ZNF678: variants seen among roughly 807,000 people sequenced by gnomAD.
The protein encoded by ZNF678 is zinc finger protein 678.
In ZNF678, 5 loss-of-function variants were observed where a neutral mutation model predicts 3.0. That is an observed-to-expected ratio of 1.69 (90% confidence interval 0.88 to 3.56). ZNF678 has a LOEUF of 3.56. Ranked by LOEUF, ZNF678 falls within the 30% of genes most tolerant of loss-of-function variation. ZNF678 has a pLI of 0.00. For missense variants in ZNF678, 593 were observed against 605.0 expected (o/e 0.98, Z 0.21); for synonymous variants, 218 against 199.6 (o/e 1.09, Z -0.78).
chr1:227,609,202 T>G (rs1029051432), intron 1 of ZNF678, among the ~76,000 whole-genome samples: 1 of 150,612 alleles, frequency 6.6e-6, no homozygotes, highest in Non-Finnish European at 1.5e-5. Context: ...AAAATAAAGT[T>G]AATATACAAT....
Position 227,563,687 on chromosome 1 carries a change from T to C in ZNF678, c.-201T>C, listed in dbSNP as rs909135730. The C allele has an allele frequency of 1.1e-5, 14 of 1,332,910 alleles. No individual in the cohort carries two copies. The highest frequency in any genetic ancestry group is 2.1e-4 in the Middle Eastern group (1 of 4,702). The allele number at this position is 1,332,910 out of a possible 1,614,324, so 82.6% of individuals were successfully genotyped here. A position where few individuals can be genotyped will look rare whatever the true frequency, so the allele number is the denominator to read the frequency against. On this transcript the variant is annotated 5_prime_UTR_variant, in exon 1 of 4. Coordinates refer to ENST00000343776, the MANE Select transcript of ZNF678 (RefSeq NM_001367909.1). Reference sequence around the variant, plus strand: ...TGACCTGCAGGTACTGGGAGTTACATAGCTAAGATGCCAGGACACCCCGAA... The same window carrying C: ...TGACCTGCAGGTACTGGGAGTTACACAGCTAAGATGCCAGGACACCCCGAA...
chr1:227,633,916 C>G (rs1010166232), intron 1 of ZNF678, among the ~76,000 whole-genome samples: 2 of 152,186 alleles, frequency 1.3e-5, no homozygotes, highest in African/African-American at 4.8e-5. Flanking sequence ...CTGACATCAC[C>G]CCTCCCCTAA....
chr1:227,628,347 A>G (rs531238554), intron 1 of ZNF678, among the ~76,000 whole-genome samples: 10 of 152,178 alleles, frequency 6.6e-5, no homozygotes, highest in Admixed American at 2.6e-4. Context: ...CAAGCTTAAC[A>G]CTGGGGCTTG....
chr1:227,641,706 G>T (rs1458275260), intron 1 of ZNF678, among the ~76,000 whole-genome samples: 2 of 151,636 alleles, frequency 1.3e-5, no homozygotes, highest in Non-Finnish European at 2.9e-5. Flanking sequence ...AGATAGAAAG[G>T]TCTCTCTATT....
chr1:227,574,856 C>A (rs2102720326), intron 1 of ZNF678, among the ~76,000 whole-genome samples: 1 of 152,194 alleles, frequency 6.6e-6, no homozygotes, highest in Non-Finnish European at 1.5e-5. Context: ...AGGAAGGGGT[C>A]CAATTTCAAT....
At chr1:227,601,611 C>T (rs1657740789) in intron 1 of ZNF678, among the ~76,000 whole-genome samples, 1 of 151,910 alleles carries the variant, frequency 6.6e-6, no homozygotes, top group Non-Finnish European at 1.5e-5. Flanking sequence ...GCTGGCCAGG[C>T]TGAAGTGCAG....
intron 1 of ZNF678, among the ~76,000 whole-genome samples, chr1:227,597,349 C>T (rs1024729843): frequency 6.6e-6 from 1 of 152,240 alleles, no homozygotes; most frequent in Non-Finnish European, 1.5e-5. Flanking sequence ...CCAGCGTGGG[C>T]GTCATAGCCA....
intron 1 of ZNF678, among the ~76,000 whole-genome samples, chr1:227,643,241 C>T (rs905405450): frequency 6.6e-6 from 1 of 151,984 alleles, no homozygotes; most frequent in Non-Finnish European, 1.5e-5. Context: ...AATGCTTTTA[C>T]CTTCTTAGGA....
At chr1:227,622,385 T>A (rs1305632513) in intron 1 of ZNF678, among the ~76,000 whole-genome samples, 1 of 152,230 alleles carries the variant, frequency 6.6e-6, no homozygotes, top group African/African-American at 2.4e-5. Context: ...TGTATTGATT[T>A]ATGTTTATGC....
chr1:227,624,650 G>A lies in ZNF678; in HGVS notation c.-163-21894G>A, dbSNP rs143465260. Among the ~76,000 whole-genome samples the A allele has an allele frequency of 3.4e-3, 516 of 152,342 alleles. 2 individuals carry two copies. Among genetic ancestry groups the A allele is most frequent in the African/African-American group, 0.012 (501 of 41,578 alleles). The stretch of plus-strand genomic sequence containing the variant: ...AAGGAATGGAACCTTGGGCCATGCA[G>A]TGAGTGTTATAGCTCTATTAGAAGC... On this transcript the variant is annotated intron_variant, in intron 1 of 3. Transcript: ENST00000343776.
At chr1:227,563,825 G>A in intron 1 of ZNF678, 101 bp downstream of exon 1, 1 of 1,140,986 alleles carries the variant, frequency 8.8e-7, no homozygotes, top group Non-Finnish European at 1.2e-6. Context: ...TGTGGGATCT[G>A]TCACCTCTGG....
At chr1:227,639,898 C>G (rs1658775791) in intron 1 of ZNF678, among the ~76,000 whole-genome samples, 1 of 152,178 alleles carries the variant, frequency 6.6e-6, no homozygotes, top group African/African-American at 2.4e-5. Context: ...ATATAAGAGG[C>G]AGGGTCTTCT....
At chr1:227,665,458 T>C (rs1268773749), downstream of ZNF678, among the ~76,000 whole-genome samples, 2 of 152,334 alleles carry the variant, frequency 1.3e-5, no homozygotes, top group African/African-American at 2.4e-5. Flanking sequence ...ATATCACTTA[T>C]ATTTCACCTC....
intron 1 of ZNF678, chr1:227,582,563 A>C (rs1416959053): frequency 4.2e-6 from 1 of 235,772 alleles, no homozygotes; most frequent in Non-Finnish European, 8.7e-6. Flanking sequence ...TCCTTCCCTC[A>C]AGTGATTCTT....
chr1:227,584,428 A>G (rs530481728), intron 1 of ZNF678, among the ~76,000 whole-genome samples: 7 of 152,212 alleles, frequency 4.6e-5, no homozygotes, highest in Non-Finnish European at 1.0e-4. Context: ...GAGATGAGCT[A>G]ACAACTGAGA....
At chr1:227,619,040 C>A (rs1658209836) in intron 1 of ZNF678, among the ~76,000 whole-genome samples, 1 of 152,084 alleles carries the variant, frequency 6.6e-6, no homozygotes, top group African/African-American at 2.4e-5. Context: ...ACAATCAGAT[C>A]TCATGAGAAC....
chr1:227,640,351 T>C (rs1376131619), intron 1 of ZNF678, among the ~76,000 whole-genome samples: 1 of 150,098 alleles, frequency 6.7e-6, no homozygotes, highest in African/African-American at 2.5e-5. Flanking sequence ...GCTTGGGGGG[T>C]TAAAGAAGAT....
intron 1 of ZNF678, among the ~76,000 whole-genome samples, chr1:227,643,648 T>G (rs997371081): frequency 6.6e-6 from 1 of 152,156 alleles, no homozygotes; most frequent in Non-Finnish European, 1.5e-5. Flanking sequence ...GCCTTAATTT[T>G]TATTTTTTAA....
At position 227,650,939 on chromosome 1, in the gene ZNF678, C is replaced by T. The variant is rs1156595270; in HGVS notation, c.-36-17C>T. On this transcript the variant is annotated splice_polypyrimidine_tract_variant and intron_variant, in intron 2 of 3. Transcript: ENST00000343776. ...TATGGCTTTTAAAAAATTTTCTTGCCTAATTGTTCTGTCTAGGACTTCCAG... is the reference window on the plus strand; with the variant it reads ...TATGGCTTTTAAAAAATTTTCTTGCTTAATTGTTCTGTCTAGGACTTCCAG... 8 of 1,514,356 alleles carry T rather than the reference C, an allele frequency of 5.3e-6. No individual in the cohort carries two copies. The highest frequency in any genetic ancestry group is 2.3e-5 in the East Asian group (1 of 42,960). 93.8% of individuals were successfully genotyped at this position (1,514,356 alleles called of 1,614,324 possible).
Sources: gnomAD v4.1 joint callset for allele counts (sites outside exome capture counted in the v4.1 genomes callset) on GRCh38, gnomAD v4.1.1 for gene constraint, MANE v1.5 for transcripts, NCBI Gene and HGNC (gene_info 2026-07-23, HGNC 2026-07-21) for gene names.